EYS: variants seen among roughly 807,000 people sequenced by gnomAD.
EYS encodes the protein protein eyes shut homolog.
Under a neutral mutation model 282.1 loss-of-function variants are expected in EYS, and 250 were observed. The ratio of observed to expected loss-of-function variants is 0.89; its 90% CI spans 0.80 to 0.98. The LOEUF is 0.98. Among genes scored for constraint, EYS ranks in the 50% least tolerant of loss-of-function variants. EYS has a pLI of 0.00. For missense variants in EYS, 4,016 were observed against 3,709.0 expected, an observed-to-expected ratio of 1.08 and a Z score of -2.15; for synonymous variants, 1,355 against 1,282.9, an observed-to-expected ratio of 1.06 and a Z score of -1.20.
chr6:64,764,542 G>A (rs1232005840), intron 22 of EYS, among the ~76,000 whole-genome samples: 1 of 152,190 alleles, frequency 6.6e-6, no homozygotes, highest in Non-Finnish European at 1.5e-5. Flanking sequence ...GTGATGGGAG[G>A]GGCTGCCATG....
In EYS at chr6:65,059,236, G is replaced by A. The variant is rs559185227; in HGVS notation, c.2024-1509C>T. Among the ~76,000 whole-genome samples the A allele has an allele frequency of 3.9e-5, 6 of 152,072 alleles. No homozygotes were observed. In the East Asian group the frequency reaches 1.2e-3, roughly 30 times the overall value. On this transcript the variant is annotated intron_variant, in intron 12 of 42. Transcript: ENST00000503581. Reference sequence around the variant, plus strand: ...AAGCAAAAGTTTAACCAGAAAAAAAGTTAAACAATCAGGAAAGATTTTATT... The same window carrying A: ...AAGCAAAAGTTTAACCAGAAAAAAAATTAAACAATCAGGAAAGATTTTATT...
intron 12 of EYS, among the ~76,000 whole-genome samples, chr6:65,130,822 A>G (rs1350177677): frequency 6.6e-6 from 1 of 151,470 alleles, no homozygotes; most frequent in Non-Finnish European, 1.5e-5. Flanking sequence ...AAGAAAAAGT[A>G]CATCCCCATA....
At chr6:65,300,723 T>C (rs1768796275) in intron 11 of EYS, 1 of 152,208 alleles carries the variant, frequency 6.6e-6, no homozygotes, top group African/African-American at 2.4e-5. Flanking sequence ...GGCTGATTTG[T>C]TTAAGAACTC....
chr6:64,425,899 T>C (rs1049300012), intron 28 of EYS, among the ~76,000 whole-genome samples: 3 of 151,612 alleles, frequency 2.0e-5, no homozygotes, highest in Admixed American at 6.6e-5. Flanking sequence ...GAATGGAAAG[T>C]AGAGAAGCGA....
chr6:63,745,525 C>T (rs911039896), intron 41 of EYS, among the ~76,000 whole-genome samples: 4 of 152,162 alleles, frequency 2.6e-5, no homozygotes, highest in African/African-American at 9.7e-5. Context: ...GAGAAAATAA[C>T]TGTCAACACA....
At chr6:64,665,850 C>T (rs1363769521) in intron 22 of EYS, among the ~76,000 whole-genome samples, 2 of 152,130 alleles carry the variant, frequency 1.3e-5, no homozygotes, top group Non-Finnish European at 2.9e-5. Context: ...AAAGAGAATG[C>T]CCGATTTTCC....
chr6:64,029,543 C>T (rs1050050210), intron 33 of EYS, among the ~76,000 whole-genome samples: 3 of 152,184 alleles, frequency 2.0e-5, no homozygotes, highest in Admixed American at 6.5e-5. Flanking sequence ...TCAACCCTGA[C>T]ACTTTTCTCC....
intron 32 of EYS, among the ~76,000 whole-genome samples, chr6:64,071,526 T>A (rs541606746): frequency 6.6e-6 from 1 of 150,736 alleles, no homozygotes; most frequent in Admixed American, 6.6e-5. Flanking sequence ...AATTAATAAG[T>A]AAATAAAATC....
chr6:65,499,889 G>A (rs931186926), intron 2 of EYS, among the ~76,000 whole-genome samples: 3 of 151,818 alleles, frequency 2.0e-5, no homozygotes, highest in Admixed American at 6.6e-5. Context: ...GGGAGACACC[G>A]GTCCTTCTTT....
chr6:64,470,238 G>A (rs186796546), intron 26 of EYS, among the ~76,000 whole-genome samples: 220 of 152,042 alleles, frequency 1.4e-3, no homozygotes, highest in African/African-American at 4.9e-3. Context: ...CACACACAGC[G>A]AAAAACCCAT....
chr6:65,065,442 G>A (rs1773716770), intron 12 of EYS, among the ~76,000 whole-genome samples: 1 of 151,238 alleles, frequency 6.6e-6, no homozygotes, highest in Non-Finnish European at 1.5e-5. Flanking sequence ...GAGTGCAGTG[G>A]CGCGATCTCT....
intron 40 of EYS, among the ~76,000 whole-genome samples, chr6:63,764,862 ATGATTTTG>A (rs1769745049): frequency 6.6e-6 from 1 of 151,968 alleles, no homozygotes; most frequent in Non-Finnish European, 1.5e-5. Flanking sequence ...TCTAATGAGA[ATGATTTTG>A]TGCAAGGTCA....
intron 26 of EYS, among the ~76,000 whole-genome samples, chr6:64,473,095 C>T (rs1205020223): frequency 6.6e-6 from 1 of 151,904 alleles, no homozygotes; most frequent in Non-Finnish European, 1.5e-5. Flanking sequence ...CATTAGGCAA[C>T]CAATGAAGAT....
intron 7 of EYS, among the ~76,000 whole-genome samples, chr6:65,397,583 GGT>G (rs58522364): frequency 0.21 from 29,407 of 137,696 alleles, 2,987 homozygotes; most frequent in Admixed American, 0.26. Context: ...TGTATTTCAT[GGT>G]GTGTGTGTGT....
chr6:64,168,158 C>T (rs368304600), intron 31 of EYS, among the ~76,000 whole-genome samples: 2 of 152,000 alleles, frequency 1.3e-5, no homozygotes, highest in African/African-American at 4.8e-5. Flanking sequence ...CTACTCGGGA[C>T]GCTGAGGCAG....
intron 26 of EYS, among the ~76,000 whole-genome samples, chr6:64,498,304 C>T (rs931107334): frequency 1.3e-5 from 2 of 151,962 alleles, no homozygotes; most frequent in Non-Finnish European, 2.9e-5. Context: ...AATAGCTTAG[C>T]GAAGGTAACA....
intron 31 of EYS, among the ~76,000 whole-genome samples, chr6:64,160,871 G>T (rs1562231460): frequency 6.6e-6 from 1 of 152,158 alleles, no homozygotes; most frequent in Non-Finnish European, 1.5e-5. Context: ...ACTTCTTTGG[G>T]AACTACATAA....
intron 29 of EYS, among the ~76,000 whole-genome samples, chr6:64,387,485 T>G (rs1772951613): frequency 6.6e-6 from 1 of 152,138 alleles, no homozygotes; most frequent in Admixed American, 6.5e-5. Context: ...AGTTATGAAA[T>G]AAGAGGACAA....
intron 13 of EYS, among the ~76,000 whole-genome samples, chr6:65,015,499 T>C (rs887105599): frequency 6.6e-6 from 1 of 152,170 alleles, no homozygotes; most frequent in African/African-American, 2.4e-5. Flanking sequence ...GTATGGTTGG[T>C]CTCCTTACAG....
Sources: gnomAD v4.1 joint callset for allele counts (sites outside exome capture counted in the v4.1 genomes callset) on GRCh38, gnomAD v4.1.1 for gene constraint, MANE v1.5 for transcripts, NCBI Gene and HGNC (gene_info 2026-07-23, HGNC 2026-07-21) for gene names.